TBC1D22A: variants seen among roughly 807,000 people sequenced by gnomAD.
TBC1D22A encodes TBC1 domain family member 22A, also known as putative GTPase activator.
In TBC1D22A, 38 loss-of-function variants were observed where a neutral mutation model predicts 60.2. The observed-to-expected ratio is 0.63, with a 90% CI of 0.49 to 0.83. The LOEUF is 0.83. Among genes scored for constraint, TBC1D22A ranks in the 40% least tolerant of loss-of-function variants. The probability of loss-of-function intolerance (pLI) is 0.00; values close to 1 mark genes in which losing one functional copy is unlikely to be tolerated. For synonymous variants in TBC1D22A, 302 were observed against 281.7 expected, an observed-to-expected ratio of 1.07 and a Z score of -0.72; for missense variants, 628 against 701.0, an observed-to-expected ratio of 0.90 and a Z score of 1.18.
At chr22:46,765,977 G>A (rs950199758) in intron 1 of TBC1D22A, among the ~76,000 whole-genome samples, 2 of 138,958 alleles carry the variant, frequency 1.4e-5, no homozygotes, top group Non-Finnish European at 3.1e-5. Flanking sequence ...GTGTGTGTGT[G>A]TGTGTGTGTG....
At chr22:46,967,641 G>C (rs2073865881) in intron 8 of TBC1D22A, among the ~76,000 whole-genome samples, 1 of 152,302 alleles carries the variant, frequency 6.6e-6, no homozygotes, top group African/African-American at 2.4e-5. Context: ...CAGTGTCCTG[G>C]AATTCTTTGA....
At chr22:46,835,705 G>A (rs1386301885) in intron 4 of TBC1D22A, among the ~76,000 whole-genome samples, 1 of 152,118 alleles carries the variant, frequency 6.6e-6, no homozygotes, top group Admixed American at 6.5e-5. Context: ...CTTAAATCTG[G>A]GGAGAGAAAT....
chr22:47,099,161 G>A (rs983576671), intron 11 of TBC1D22A, among the ~76,000 whole-genome samples: 6 of 152,246 alleles, frequency 3.9e-5, no homozygotes, highest in Non-Finnish European at 5.9e-5. Flanking sequence ...GGGTGTCACC[G>A]TGTGGAAGTG....
intron 11 of TBC1D22A, among the ~76,000 whole-genome samples, chr22:47,095,921 C>G (rs2065153573): frequency 6.6e-6 from 1 of 152,238 alleles, no homozygotes; most frequent in Admixed American, 6.5e-5. Context: ...CCTGTCCACT[C>G]CTGGCTGACC....
intron 12 of TBC1D22A, 58 bp from the exon 13 acceptor site, chr22:47,173,440 C>A: frequency 1.3e-6 from 2 of 1,598,004 alleles, no homozygotes; most frequent in South Asian, 1.1e-5. Flanking sequence ...TTTCTGGGGT[C>A]ACCCGCCCTC....
chr22:47,138,927 C>G (rs2066980600), intron 12 of TBC1D22A, among the ~76,000 whole-genome samples: 1 of 152,214 alleles, frequency 6.6e-6, no homozygotes, highest in South Asian at 2.1e-4. Flanking sequence ...TCCCAAAGAC[C>G]CCGCTTCCTA....
At chr22:46,949,306 G>A (rs136069) in intron 8 of TBC1D22A, among the ~76,000 whole-genome samples, 1 of 152,222 alleles carries the variant, frequency 6.6e-6, no homozygotes, top group African/African-American at 2.4e-5. Flanking sequence ...GAGTGCCAGA[G>A]GGAACCTCGG....
intron 10 of TBC1D22A, among the ~76,000 whole-genome samples, chr22:47,011,871 T>C (rs2061762902): frequency 6.6e-6 from 1 of 152,008 alleles, no homozygotes; most frequent in Non-Finnish European, 1.5e-5. Flanking sequence ...TGCTGCTACA[T>C]CCCCTGTAAA....
chr22:47,049,097 G>C (rs995560695), intron 11 of TBC1D22A, among the ~76,000 whole-genome samples: 5 of 152,208 alleles, frequency 3.3e-5, no homozygotes, highest in African/African-American at 1.2e-4. Context: ...GGAAGAGGAG[G>C]CCGGCGCTCC....
At chr22:46,808,493 C>A (rs2085245106) in intron 4 of TBC1D22A, among the ~76,000 whole-genome samples, 1 of 152,110 alleles carries the variant, frequency 6.6e-6, no homozygotes, top group South Asian at 2.1e-4. Context: ...AAGAATAAAG[C>A]AAATCCTTGG....
At chr22:46,910,712 G>A (rs1378429762) in intron 7 of TBC1D22A, among the ~76,000 whole-genome samples, 1 of 152,134 alleles carries the variant, frequency 6.6e-6, no homozygotes, top group Admixed American at 6.5e-5. Context: ...GGGAACAGGT[G>A]GCAGCAGAGT....
At chr22:46,981,010 G>C (rs2074492701) in intron 9 of TBC1D22A, among the ~76,000 whole-genome samples, 1 of 152,250 alleles carries the variant, frequency 6.6e-6, no homozygotes, top group South Asian at 2.1e-4. Context: ...CAAGGAGACA[G>C]GTAGAAAGGA....
intron 11 of TBC1D22A, among the ~76,000 whole-genome samples, chr22:47,079,347 A>G (rs1017708912): frequency 8.5e-5 from 13 of 152,172 alleles, no homozygotes; most frequent in Non-Finnish European, 1.5e-4. Context: ...TTGGCCTCCC[A>G]AAGTACTGGG....
At chr22:46,935,746 G>C (rs557885140) in intron 8 of TBC1D22A, among the ~76,000 whole-genome samples, 1 of 152,162 alleles carries the variant, frequency 6.6e-6, no homozygotes, top group Non-Finnish European at 1.5e-5. Flanking sequence ...CCGTGTCTCT[G>C]TAGCCTTTGC....
At chr22:46,784,120 A>G (rs2146823322) in intron 1 of TBC1D22A, among the ~76,000 whole-genome samples, 1 of 152,258 alleles carries the variant, frequency 6.6e-6, no homozygotes, top group Non-Finnish European at 1.5e-5. Context: ...ATCACAGCTC[A>G]CTGCAACCTC....
At chr22:46,978,984 G>A (rs2074411402) in intron 9 of TBC1D22A, among the ~76,000 whole-genome samples, 1 of 152,120 alleles carries the variant, frequency 6.6e-6, no homozygotes, top group African/African-American at 2.4e-5. Flanking sequence ...CTCAACAAAT[G>A]GTAGTTTCTT....
chr22:46,975,559 G>A (rs919822713), intron 9 of TBC1D22A, among the ~76,000 whole-genome samples: 2 of 152,302 alleles, frequency 1.3e-5, no homozygotes, highest in Non-Finnish European at 2.9e-5. Context: ...CAGCTCAAAG[G>A]GGGGCCCTCA....
chr22:47,010,848 G>T (rs958774478), intron 10 of TBC1D22A, among the ~76,000 whole-genome samples: 1 of 152,072 alleles, frequency 6.6e-6, no homozygotes, highest in Non-Finnish European at 1.5e-5. Context: ...ACAAATCAAA[G>T]AAATAGAAGT....
At chr22:47,153,239 C>G (rs1020289637) in intron 12 of TBC1D22A, among the ~76,000 whole-genome samples, 29 of 152,376 alleles carry the variant, frequency 1.9e-4, no homozygotes, top group Middle Eastern at 3.4e-3. Context: ...ATTCCACCCA[C>G]TGCTTCCAAA....
Sources: allele counts gnomAD v4.1 joint callset (sites outside exome capture counted in the v4.1 genomes callset), GRCh38; gene constraint gnomAD v4.1.1; transcripts MANE v1.5; gene names NCBI Gene and HGNC (gene_info 2026-07-23, HGNC 2026-07-21).